Variants in SCN11A observed in about 807,000 individuals in gnomAD.
The protein encoded by SCN11A is sodium voltage-gated channel alpha subunit 11, also known as sodium channel protein type 11 subunit alpha.
In SCN11A, 122 loss-of-function variants were observed where a neutral mutation model predicts 162.2. That is an observed-to-expected ratio of 0.75 (90% CI 0.65 to 0.87). The LOEUF is 0.87. SCN11A is among the 40% of genes least tolerant of loss of function. SCN11A has a pLI of 0.00. For missense variants in SCN11A, 2,015 were observed against 2,181.6 expected (o/e 0.92, Z 1.52); for synonymous variants, 758 against 751.5 (o/e 1.01, Z -0.14).
intron 9 of SCN11A, among the ~76,000 whole-genome samples, chr3:38,924,684 A>AT (rs1343968679): frequency 6.6e-6 from 1 of 151,924 alleles, no homozygotes; most frequent in Admixed American, 6.6e-5. Context: ...TAACTCTTGT[A>AT]TTTTTGTAGA....
chr3:38,915,440 G>C (rs527688777), intron 11 of SCN11A, among the ~76,000 whole-genome samples: 2 of 152,210 alleles, frequency 1.3e-5, no homozygotes, highest in South Asian at 4.1e-4. Context: ...TGGGCGTTTA[G>C]TGCTATGAAT....
intron 11 of SCN11A, among the ~76,000 whole-genome samples, chr3:38,915,142 A>G (rs1420376957): frequency 1.3e-5 from 2 of 151,958 alleles, no homozygotes; most frequent in Non-Finnish European, 2.9e-5. Context: ...TATAGATTCA[A>G]TTTTGGAGCT....
intron 1 of SCN11A, among the ~76,000 whole-genome samples, chr3:39,041,273 A>G (rs951861615): frequency 7.2e-5 from 11 of 152,228 alleles, no homozygotes; most frequent in African/African-American, 2.7e-4. Context: ...AAAAAGGAAT[A>G]GAAAACCTAT....
intron 7 of SCN11A, among the ~76,000 whole-genome samples, chr3:38,942,966 G>A (rs928152880): frequency 6.6e-6 from 1 of 152,052 alleles, no homozygotes; most frequent in African/African-American, 2.4e-5. Context: ...ATTACACCTA[G>A]GTATTTATCC....
At chr3:39,003,498 G>T (rs2030878520) in intron 2 of SCN11A, among the ~76,000 whole-genome samples, 1 of 152,220 alleles carries the variant, frequency 6.6e-6, no homozygotes, top group African/African-American at 2.4e-5. Context: ...ACATCTGCAT[G>T]TATGTGTCTT....
intron 2 of SCN11A, among the ~76,000 whole-genome samples, chr3:38,966,340 T>C (rs2066782356): frequency 6.6e-6 from 1 of 152,232 alleles, no homozygotes; most frequent in Non-Finnish European, 1.5e-5. Flanking sequence ...GTTAATGTCA[T>C]AGTTCATTAT....
At chr3:38,979,143 C>T (rs2029911378) in intron 2 of SCN11A, among the ~76,000 whole-genome samples, 1 of 152,198 alleles carries the variant, frequency 6.6e-6, no homozygotes, top group African/African-American at 2.4e-5. Flanking sequence ...CCTGGTTTTG[C>T]TCACCATTGA....
chr3:38,869,999 G>A (rs1176821703), intron 26 of SCN11A, among the ~76,000 whole-genome samples: 2 of 152,092 alleles, frequency 1.3e-5, no homozygotes, highest in Non-Finnish European at 2.9e-5. Context: ...CAAATAGGTC[G>A]AAACACACAC....
rs1244545495 is a variant in SCN11A, at chr3:38,933,741, C to T, written c.489-6810G>A. Reference sequence around the variant, plus strand: ...GGACTATGTGAAAACACCAAATCTACGTCTGATTGGTGTACCTGAAAGTGA... The same window carrying T: ...GGACTATGTGAAAACACCAAATCTATGTCTGATTGGTGTACCTGAAAGTGA... On this transcript the variant is annotated intron_variant, in intron 7 of 29. Transcript: ENST00000302328. Among the ~76,000 whole-genome samples the T allele has an allele frequency of 1.1e-4, 16 of 152,288 alleles. No individual in the cohort carries two copies. In the East Asian group the frequency reaches 1.5e-3, roughly 15 times the overall value.
chr3:38,909,276 G>A, intron 12 of SCN11A, 82 bp from the exon 13 acceptor site: 1 of 1,303,506 alleles, frequency 7.7e-7, no homozygotes. Context: ...AAACCACACA[G>A]TAGCAGACAA....
At chr3:38,973,109 G>C (rs1256651578) in intron 2 of SCN11A, among the ~76,000 whole-genome samples, 1 of 152,108 alleles carries the variant, frequency 6.6e-6, no homozygotes, top group East Asian at 1.9e-4. Flanking sequence ...TATAATTATA[G>C]AAGTAGAAAA....
chr3:38,955,409 T>C (rs979674021), intron 3 of SCN11A, among the ~76,000 whole-genome samples: 1 of 152,232 alleles, frequency 6.6e-6, no homozygotes, highest in Admixed American at 6.5e-5. Context: ...CAGTAAAATT[T>C]CCTTATTAAC....
intron 2 of SCN11A, among the ~76,000 whole-genome samples, chr3:38,962,871 A>G (rs1362812207): frequency 1.3e-5 from 2 of 151,716 alleles, no homozygotes; most frequent in Non-Finnish European, 2.9e-5. Flanking sequence ...AAATAATAAT[A>G]ATAATAATAA....
At chr3:38,875,734 T>A (rs1055505809) in intron 23 of SCN11A, among the ~76,000 whole-genome samples, 4 of 152,118 alleles carry the variant, frequency 2.6e-5, no homozygotes, top group African/African-American at 9.7e-5. Flanking sequence ...TGAAAACACA[T>A]CTCATGTTCA....
intron 19 of SCN11A, among the ~76,000 whole-genome samples, chr3:38,891,717 C>T (rs2065502910): frequency 6.6e-6 from 1 of 152,168 alleles, no homozygotes; most frequent in South Asian, 2.1e-4. Flanking sequence ...GGAGGGAAGG[C>T]AGCAAACTCA....
chr3:38,901,214 A>G lies in SCN11A; in HGVS notation c.1843-1141T>C, dbSNP rs545403573. ...CTATTTATTTTTAAAAATGCCTGAA[A>G]TAAAATGGCAAAAGTTAAAGACAAA... On this transcript the variant is annotated intron_variant, in intron 16 of 29. Transcript: ENST00000302328. Among the ~76,000 whole-genome samples, 33 of 152,350 alleles carry G rather than the reference A, an allele frequency of 2.2e-4. 1 individual carries two copies. The highest frequency in any genetic ancestry group is 7.7e-4 in the African/African-American group (32 of 41,576).
intron 2 of SCN11A, among the ~76,000 whole-genome samples, chr3:38,966,346 A>C (rs1286125800): frequency 6.6e-6 from 1 of 152,234 alleles, no homozygotes; most frequent in South Asian, 2.1e-4. Context: ...GTCATAGTTC[A>C]TTATTATCAT....
chr3:38,978,331 T>G (rs1310874511), intron 2 of SCN11A, among the ~76,000 whole-genome samples: 1 of 152,230 alleles, frequency 6.6e-6, no homozygotes, highest in Non-Finnish European at 1.5e-5. Flanking sequence ...AATCTGTATG[T>G]CACTCCTGTT....
chr3:38,921,437 G>A (rs577233946), intron 9 of SCN11A, among the ~76,000 whole-genome samples, 182 bp from the exon 10 acceptor site: 1 of 152,204 alleles, frequency 6.6e-6, no homozygotes, highest in African/African-American at 2.4e-5. Context: ...TGGAAGCTGA[G>A]TGTCATCAAA....
Sources: allele counts gnomAD v4.1 joint callset (sites outside exome capture counted in the v4.1 genomes callset), GRCh38; gene constraint gnomAD v4.1.1; transcripts MANE v1.5; gene names NCBI Gene and HGNC (gene_info 2026-07-23, HGNC 2026-07-21).